The following GRID2 variants were observed in gnomAD, a reference collection of about 807,000 sequenced individuals.
GRID2 encodes glutamate receptor ionotropic, delta-2.
Under a neutral mutation model 114.8 loss-of-function variants are expected in GRID2, and 33 were observed. That is an observed-to-expected ratio of 0.29 (90% confidence interval 0.22 to 0.38). The LOEUF is 0.38. Ranked by LOEUF, GRID2 falls within the 10% of genes least tolerant of loss-of-function variation. The probability of loss-of-function intolerance (pLI) is 1.00; values close to 1 mark genes in which losing one functional copy is unlikely to be tolerated. For synonymous variants in GRID2, 505 were observed against 449.9 expected, an observed-to-expected ratio of 1.12 and a Z score of -1.55; for missense variants, 1,184 against 1,257.7, an observed-to-expected ratio of 0.94 and a Z score of 0.89.
chr4:92,387,147 T>C (rs766217428), intron 1 of GRID2, among the ~76,000 whole-genome samples: 8 of 151,924 alleles, frequency 5.3e-5, no homozygotes, highest in Admixed American at 2.0e-4. Flanking sequence ...ATGTAATTCA[T>C]GTAAAACCTT....
intron 5 of GRID2, among the ~76,000 whole-genome samples, chr4:93,216,175 A>G (rs568529507): frequency 2.3e-5 from 3 of 128,100 alleles, no homozygotes; most frequent in Non-Finnish European, 4.9e-5. Flanking sequence ...TAACATCAAC[A>G]ATTCTAATAA....
At chr4:93,705,209 G>A (rs1320269551) in intron 14 of GRID2, among the ~76,000 whole-genome samples, 1 of 152,092 alleles carries the variant, frequency 6.6e-6, no homozygotes, top group Non-Finnish European at 1.5e-5. Flanking sequence ...GATCAATGAT[G>A]TTGAGCACCT....
At chr4:92,923,897 G>T (rs1376959349) in intron 2 of GRID2, among the ~76,000 whole-genome samples, 1 of 152,114 alleles carries the variant, frequency 6.6e-6, no homozygotes, top group Non-Finnish European at 1.5e-5. Context: ...TCTGATTACT[G>T]GGTATATACC....
chr4:92,722,833 T>C (rs1478591990), intron 2 of GRID2, among the ~76,000 whole-genome samples: 3 of 152,134 alleles, frequency 2.0e-5, no homozygotes, highest in African/African-American at 7.2e-5. Flanking sequence ...TTCCCAATTG[T>C]AACATAATGA....
At chr4:92,363,001 A>AGT in intron 1 of GRID2, among the ~76,000 whole-genome samples, 1 of 143,064 alleles carries the variant, frequency 7.0e-6, no homozygotes, top group African/African-American at 2.9e-5. Flanking sequence ...CTTCTTCAGA[A>AGT]GAGAGAGGAG....
At chr4:92,980,367 A>G (rs1172835731) in intron 2 of GRID2, among the ~76,000 whole-genome samples, 6 of 152,070 alleles carry the variant, frequency 3.9e-5, no homozygotes, top group African/African-American at 1.4e-4. Flanking sequence ...ATAATATTTT[A>G]CCTTAAAAAT....
chr4:93,065,404 T>C (rs1396860508), intron 2 of GRID2, among the ~76,000 whole-genome samples: 3 of 152,056 alleles, frequency 2.0e-5, no homozygotes, highest in Non-Finnish European at 1.5e-5. Flanking sequence ...TTCAAGCTGA[T>C]AGCTTTAATT....
At chr4:93,506,717 A>T (rs1472528420) in intron 12 of GRID2, among the ~76,000 whole-genome samples, 1 of 152,000 alleles carries the variant, frequency 6.6e-6, no homozygotes, top group African/African-American at 2.4e-5. Context: ...CTCCTATGGC[A>T]CCCTCTCCAT....
chr4:93,155,166 C>G (rs1449144806), intron 4 of GRID2, among the ~76,000 whole-genome samples: 1 of 151,826 alleles, frequency 6.6e-6, no homozygotes, highest in East Asian at 1.9e-4. Context: ...TATTCATGAT[C>G]TCACCTTCTC....
intron 1 of GRID2, among the ~76,000 whole-genome samples, chr4:92,519,199 A>C (rs530144422): frequency 1.3e-3 from 195 of 151,978 alleles, no homozygotes; most frequent in African/African-American, 4.3e-3. Context: ...GGATGGCATG[A>C]ATTTTTAAAA....
intron 1 of GRID2, among the ~76,000 whole-genome samples, chr4:92,503,620 CAATGCTGTCTGA>C (rs1201350375): frequency 6.6e-6 from 1 of 152,040 alleles, no homozygotes; most frequent in East Asian, 1.9e-4. Flanking sequence ...GATTAAATGC[CAATGCTGTCTGA>C]AATGCTGTCT....
chr4:92,928,299 T>G (rs968793480), intron 2 of GRID2, among the ~76,000 whole-genome samples: 1 of 151,682 alleles, frequency 6.6e-6, no homozygotes, highest in Non-Finnish European at 1.5e-5. Flanking sequence ...ATTGTGTGCA[T>G]CCAGTAATAT....
intron 14 of GRID2, among the ~76,000 whole-genome samples, chr4:93,648,561 C>T (rs1294502800): frequency 1.3e-5 from 2 of 152,180 alleles, no homozygotes; most frequent in African/African-American, 2.4e-5. Flanking sequence ...TAGACCGCTT[C>T]GGCTCATCCT....
chr4:93,234,909 A>G lies in GRID2; in HGVS notation c.1126-3462A>G, dbSNP rs1011738632. The stretch of plus-strand genomic sequence containing the variant: ...GGTTACAAGGAACCTAGAAATATGT[A>G]TAAGGAAATTAGACGAGTATGATAA... On this transcript the variant is annotated intron_variant, in intron 7 of 15. Transcript: ENST00000282020. 5.3e-5 allele frequency among the ~76,000 whole-genome samples: 8 copies of G among 152,108 alleles called. No homozygotes were observed. The East Asian group carries it at 9.7e-4, about 18-fold the overall frequency.
At chr4:93,057,143 TGTGA>T (rs1196044219) in intron 2 of GRID2, among the ~76,000 whole-genome samples, 2 of 145,412 alleles carry the variant, frequency 1.4e-5, no homozygotes, top group Non-Finnish European at 3.0e-5. Flanking sequence ...GACTGAAGTG[TGTGA>T]GTGTGTATGT....
At chr4:92,614,133 A>G (rs915957040) in intron 2 of GRID2, among the ~76,000 whole-genome samples, 1 of 151,446 alleles carries the variant, frequency 6.6e-6, no homozygotes, top group Non-Finnish European at 1.5e-5. Context: ...GAACTTATTC[A>G]TTTTATCTAG....
At chr4:92,451,759 T>A (rs1720936431) in intron 1 of GRID2, among the ~76,000 whole-genome samples, 1 of 152,168 alleles carries the variant, frequency 6.6e-6, no homozygotes, top group Non-Finnish European at 1.5e-5. Context: ...CATTGAGCAA[T>A]AATTCAGGAA....
chr4:93,771,173 T>A (rs902295471), intron 15 of GRID2, among the ~76,000 whole-genome samples: 1 of 152,222 alleles, frequency 6.6e-6, no homozygotes, highest in Non-Finnish European at 1.5e-5. Flanking sequence ...TAATTTTATT[T>A]CCTTCCAGTT....
intron 2 of GRID2, among the ~76,000 whole-genome samples, chr4:92,891,608 T>A (rs1387516472): frequency 1.3e-5 from 2 of 152,170 alleles, no homozygotes; most frequent in African/African-American, 4.8e-5. Context: ...GAAAACAGCC[T>A]ATTTTCTATT....
Sources: gnomAD v4.1 joint callset for allele counts (sites outside exome capture counted in the v4.1 genomes callset) on GRCh38, gnomAD v4.1.1 for gene constraint, MANE v1.5 for transcripts, NCBI Gene and HGNC (gene_info 2026-07-23, HGNC 2026-07-21) for gene names.